NDUFAF2: variants seen among roughly 807,000 people sequenced by gnomAD.
The protein encoded by NDUFAF2 is NADH dehydrogenase [ubiquinone] 1 alpha subcomplex assembly factor 2.
Under a neutral mutation model 22.8 loss-of-function variants are expected in NDUFAF2, and 13 were observed. The observed-to-expected ratio is 0.57, with a 90% CI of 0.37 to 0.91. The LOEUF is 0.91. Among genes scored for constraint, NDUFAF2 ranks in the 40% least tolerant of loss-of-function variants. NDUFAF2 has a pLI of 0.01. For synonymous variants in NDUFAF2, 53 were observed against 64.2 expected (o/e 0.83, Z 0.84); for missense variants, 162 against 195.2 (o/e 0.83, Z 1.01).
chr5:61,012,799 G>T (rs535393186), intron 1 of NDUFAF2, among the ~76,000 whole-genome samples: 34 of 151,658 alleles, frequency 2.2e-4, no homozygotes, highest in Non-Finnish European at 4.9e-4. Flanking sequence ...TTAGCTTTCA[G>T]AAAAATATAA....
rs1752507179 is a variant in NDUFAF2, at chr5:61,086,507, C to G, written c.218-12485C>G. ...AGGAATTTTCTCACACTTATATGGT[C>G]AATTGATTTTTCAATAGCAAGGAAA... is the stretch of plus-strand genomic sequence containing the variant. On this transcript the variant is annotated intron_variant, in intron 2 of 3. Coordinates refer to ENST00000296597, the MANE Select transcript of NDUFAF2 (RefSeq NM_174889.5). 1.3e-5 allele frequency among the ~76,000 whole-genome samples: 2 copies of G among 152,050 alleles called. 1 individual carries two copies. Among genetic ancestry groups the G allele is most frequent in the African/African-American group, 4.8e-5 (2 of 41,408 alleles).
intron 2 of NDUFAF2, 51 bp downstream of exon 2, chr5:61,073,265 T>C (rs1333118785): frequency 7.8e-7 from 1 of 1,283,706 alleles, no homozygotes; most frequent in Non-Finnish European, 1.1e-6. Flanking sequence ...TATATAACAG[T>C]ATACAAATTC....
intron 1 of NDUFAF2, among the ~76,000 whole-genome samples, chr5:61,068,626 A>G (rs566672227): frequency 6.6e-6 from 1 of 152,016 alleles, no homozygotes; most frequent in Non-Finnish European, 1.5e-5. Flanking sequence ...ATTTTTTTCT[A>G]CTTTTTGGTA....
At chr5:61,118,473 C>T (rs940426478) in intron 3 of NDUFAF2, among the ~76,000 whole-genome samples, 1 of 152,042 alleles carries the variant, frequency 6.6e-6, no homozygotes, top group African/African-American at 2.4e-5. Context: ...AATAATAACA[C>T]GTTTATTTGA....
At chr5:61,017,161 T>C (rs1751522384) in intron 1 of NDUFAF2, among the ~76,000 whole-genome samples, 1 of 152,226 alleles carries the variant, frequency 6.6e-6, no homozygotes, top group African/African-American at 2.4e-5. Flanking sequence ...CAATAGGTAG[T>C]AAGTTCTAAA....
At chr5:61,106,289 C>T (rs981497673) in intron 3 of NDUFAF2, among the ~76,000 whole-genome samples, 5 of 151,426 alleles carry the variant, frequency 3.3e-5, no homozygotes, top group African/African-American at 1.2e-4. Context: ...ACAGATACCA[C>T]CTTAACTAGA....
At position 61,102,282 on chromosome 5, in the gene NDUFAF2, T is replaced by C. The variant is rs140031989; in HGVS notation, c.258+3250T>C. On this transcript the variant is annotated intron_variant, in intron 3 of 3. Coordinates refer to ENST00000296597, the MANE Select transcript of NDUFAF2 (RefSeq NM_174889.5). ...AATACTGTCTGACTTTAAGAATTACTTTAAAACTATAGTTATCTAGACAGT... is the reference window on the plus strand; with the variant it reads ...AATACTGTCTGACTTTAAGAATTACCTTAAAACTATAGTTATCTAGACAGT... Among the ~76,000 whole-genome samples the C allele has an allele frequency of 1.5e-3, 231 of 152,284 alleles. 2 individuals are homozygous for C. The highest frequency in any genetic ancestry group is 5.1e-3 in the African/African-American group (214 of 41,562).
intron 2 of NDUFAF2, among the ~76,000 whole-genome samples, chr5:61,097,745 A>G (rs940834554): frequency 4.6e-5 from 7 of 152,228 alleles, no homozygotes; most frequent in African/African-American, 1.7e-4. Context: ...GGTCACACCT[A>G]GCCTGGCTTT....
intron 1 of NDUFAF2, among the ~76,000 whole-genome samples, chr5:61,047,064 A>C (rs954334649): frequency 6.6e-6 from 1 of 152,014 alleles, no homozygotes; most frequent in African/African-American, 2.4e-5. Flanking sequence ...ATCAGGACTT[A>C]CTCTTGCTCA....
intron 3 of NDUFAF2, among the ~76,000 whole-genome samples, chr5:61,134,022 A>G (rs1021993806): frequency 5.3e-5 from 8 of 152,238 alleles, no homozygotes; most frequent in African/African-American, 1.9e-4. Context: ...TAAATACGTC[A>G]TAGTAAAAGA....
intron 1 of NDUFAF2, among the ~76,000 whole-genome samples, chr5:60,965,986 A>G (rs996114427): frequency 6.6e-6 from 1 of 152,224 alleles, no homozygotes; most frequent in African/African-American, 2.4e-5. Flanking sequence ...ATTCCCACCA[A>G]GAGTGTGCAA....
At chr5:61,033,647 A>G (rs1751756241) in intron 1 of NDUFAF2, among the ~76,000 whole-genome samples, 1 of 152,102 alleles carries the variant, frequency 6.6e-6, no homozygotes, top group Non-Finnish European at 1.5e-5. Context: ...TTCAGCAAAA[A>G]TTCATGTTGT....
chr5:60,989,211 ATATCT>A (rs1352499295), intron 1 of NDUFAF2, among the ~76,000 whole-genome samples: 12 of 152,190 alleles, frequency 7.9e-5, no homozygotes, highest in Non-Finnish European at 7.4e-5. Flanking sequence ...CCACAGCGTG[ATATCT>A]TATATTAGTC....
intron 1 of NDUFAF2, among the ~76,000 whole-genome samples, chr5:60,978,229 A>T (rs1477405867): frequency 6.6e-6 from 1 of 152,190 alleles, no homozygotes; most frequent in African/African-American, 2.4e-5. Flanking sequence ...CTATCTCAGC[A>T]GTGGGAACCT....
intron 3 of NDUFAF2, among the ~76,000 whole-genome samples, chr5:61,109,464 T>C (rs1427451776): frequency 6.6e-6 from 1 of 152,232 alleles, no homozygotes; most frequent in Admixed American, 6.5e-5. Flanking sequence ...CTGATTGCTC[T>C]AACTAGGACT....
chr5:61,010,074 A>G (rs1325846283), intron 1 of NDUFAF2, among the ~76,000 whole-genome samples: 1 of 151,922 alleles, frequency 6.6e-6, no homozygotes, highest in Non-Finnish European at 1.5e-5. Flanking sequence ...ACTTCTCTCT[A>G]TCCTCAGTAC....
chr5:61,107,090 C>CACACACACAT (rs918380662), intron 3 of NDUFAF2, among the ~76,000 whole-genome samples: 63 of 146,152 alleles, frequency 4.3e-4, no homozygotes, highest in African/African-American at 1.5e-3. Flanking sequence ...CACACACACA[C>CACACACACAT]ATATATGCCT....
chr5:61,026,921 A>G lies in NDUFAF2; in HGVS notation c.128-46204A>G, dbSNP rs999711256. Among the ~76,000 whole-genome samples, 5 of 151,746 alleles carry G rather than the reference A, an allele frequency of 3.3e-5. 1 individual carries two copies. Among genetic ancestry groups the G allele is most frequent in the South Asian group, 4.2e-4 (2 of 4,814 alleles). ...AACTGAAGGACTTAGGAGTGTGTTC[A>G]TTGTTCCTGCAGAGTTCTTTGTCTC... On this transcript the variant is annotated intron_variant, in intron 1 of 3. Transcript: ENST00000296597.
chr5:60,966,793 T>A (rs1034175820), intron 1 of NDUFAF2, among the ~76,000 whole-genome samples: 3 of 152,146 alleles, frequency 2.0e-5, no homozygotes, highest in Admixed American at 2.0e-4. Flanking sequence ...CTCAGCCTTG[T>A]TCCTTCTGCT....
Sources: gnomAD v4.1 joint callset for allele counts (sites outside exome capture counted in the v4.1 genomes callset) on GRCh38, gnomAD v4.1.1 for gene constraint, MANE v1.5 for transcripts, NCBI Gene and HGNC (gene_info 2026-07-23, HGNC 2026-07-21) for gene names.